The following ATF6 variants were observed in gnomAD, a reference collection of about 807,000 sequenced individuals.
The protein encoded by ATF6 is activating transcription factor 6, also known as cyclic AMP-dependent transcription factor ATF-6 alpha.
ATF6 carries 53 observed loss-of-function variants against 83.6 expected under a neutral mutation model. The ratio of observed to expected loss-of-function variants is 0.63; its 90% CI spans 0.51 to 0.80. ATF6 has a LOEUF of 0.80. ATF6 is among the 30% of genes least tolerant of loss of function. The pLI is 0.00. For synonymous variants in ATF6, 288 were observed against 285.8 expected (o/e 1.01, Z -0.08); for missense variants, 744 against 797.9 (o/e 0.93, Z 0.81).
At chr1:161,846,196 AC>A (rs1686482749) in intron 9 of ATF6, among the ~76,000 whole-genome samples, 1 of 152,202 alleles carries the variant, frequency 6.6e-6, no homozygotes, top group African/African-American at 2.4e-5. Context: ...AACATATAGA[AC>A]ACTACTATTG....
chr1:161,791,581 G>T, intron 5 of ATF6, 44 bp downstream of exon 5: 1 of 1,547,366 alleles, frequency 6.5e-7, no homozygotes, highest in South Asian at 1.2e-5. Flanking sequence ...ATTTCAGATT[G>T]AGCTTAGGTT....
In ATF6 at chr1:161,802,253, T is replaced by C. The variant is rs1005812433; in HGVS notation, c.890T>C (p.Met297Thr). ...ACTAAACCTGTCCTACAAAGTACCA[T>C]GAGAAATGTCGGTTCAGATGTAAGT... ...SVTKPVLQST[M>T]RNVGSDIAVL... Residue 297 changes from methionine (M) to threonine (T), a missense_variant, in exon 7 of 16, where the codon ATG becomes ACG. Met to Thr is a moderately conservative substitution (Grantham distance 81). Coordinates refer to ENST00000367942, the MANE Select transcript of ATF6 (RefSeq NM_007348.4). The C allele has an allele frequency of 8.1e-6, 13 of 1,610,942 alleles. No homozygotes were observed. The highest frequency in any genetic ancestry group is 1.1e-5 in the Non-Finnish European group (13 of 1,177,330).
intron 9 of ATF6, among the ~76,000 whole-genome samples, chr1:161,826,422 A>G (rs1316143727): frequency 6.6e-6 from 1 of 152,170 alleles, no homozygotes; most frequent in Non-Finnish European, 1.5e-5. Flanking sequence ...GGAAGAGATG[A>G]TGGTCCCTAT....
chr1:161,845,879 T>C (rs558532139), intron 9 of ATF6, among the ~76,000 whole-genome samples: 2 of 152,142 alleles, frequency 1.3e-5, no homozygotes, highest in East Asian at 3.9e-4. Context: ...TATACATTGA[T>C]GAGTGAAGAT....
At chr1:161,825,748 A>C (rs1044417717) in intron 9 of ATF6, among the ~76,000 whole-genome samples, 3 of 152,126 alleles carry the variant, frequency 2.0e-5, no homozygotes, top group African/African-American at 7.2e-5. Context: ...GTTTTTATGG[A>C]GCTTCATTAG....
intron 14 of ATF6, among the ~76,000 whole-genome samples, chr1:161,874,557 A>G (rs760323741): frequency 6.6e-6 from 1 of 151,554 alleles, no homozygotes; most frequent in Non-Finnish European, 1.5e-5. Flanking sequence ...TTTTACAACT[A>G]TTTCTTTTCT....
At chr1:161,772,370 A>G (rs575428447) in intron 1 of ATF6, among the ~76,000 whole-genome samples, 16 of 152,326 alleles carry the variant, frequency 1.1e-4, no homozygotes, top group Non-Finnish European at 1.9e-4. Context: ...TGCCAGACCA[A>G]TCATATTTCC....
intron 7 of ATF6, among the ~76,000 whole-genome samples, chr1:161,819,231 A>T (rs944471699): frequency 6.6e-6 from 1 of 152,202 alleles, no homozygotes; most frequent in Non-Finnish European, 1.5e-5. Flanking sequence ...TGAAGTGGTA[A>T]TAACTGTAAG....
At chr1:161,848,492 C>G (rs545662192) in intron 10 of ATF6, among the ~76,000 whole-genome samples, 19 of 152,126 alleles carry the variant, frequency 1.2e-4, no homozygotes, top group African/African-American at 4.6e-4. Flanking sequence ...ATTAGCCTAT[C>G]ATTTAGTAAT....
At chr1:161,810,311 T>G (rs1244245313) in intron 7 of ATF6, among the ~76,000 whole-genome samples, 2 of 152,172 alleles carry the variant, frequency 1.3e-5, no homozygotes, top group East Asian at 1.9e-4. Context: ...ACATCTTACA[T>G]GGCTAGAGCA....
chr1:161,933,674 T>A (rs925782456), intron 15 of ATF6, among the ~76,000 whole-genome samples: 3 of 152,250 alleles, frequency 2.0e-5, no homozygotes, highest in Non-Finnish European at 4.4e-5. Context: ...ATTGAATTAC[T>A]CTTCTAACTC....
At chr1:161,829,460 T>G (rs1233797635) in intron 9 of ATF6, among the ~76,000 whole-genome samples, 1 of 152,094 alleles carries the variant, frequency 6.6e-6, no homozygotes, top group Non-Finnish European at 1.5e-5. Context: ...TATACATTCT[T>G]CTCAGCACCA....
In ATF6 at chr1:161,832,426, C is replaced by T. The variant is rs186688247; in HGVS notation, c.1187+11265C>T. On this transcript the variant is annotated intron_variant, in intron 9 of 15. Transcript: ENST00000367942. Reference sequence around the variant, plus strand: ...AGTGGGTGCAGGACAGTGGGTGCAGCGCACCGTGCATGAGCTGAAGCAGGG... The same window carrying T: ...AGTGGGTGCAGGACAGTGGGTGCAGTGCACCGTGCATGAGCTGAAGCAGGG... Among the ~76,000 whole-genome samples, 356 of 152,220 alleles carry T rather than the reference C, an allele frequency of 2.3e-3. 1 individual carries two copies. Among genetic ancestry groups the T allele is most frequent in the African/African-American group, 7.9e-3 (327 of 41,544 alleles).
intron 6 of ATF6, among the ~76,000 whole-genome samples, chr1:161,798,783 C>T (rs1158532834): frequency 6.6e-6 from 1 of 152,058 alleles, no homozygotes; most frequent in Non-Finnish European, 1.5e-5. Flanking sequence ...AAGAAGTGGG[C>T]AAAGGATATG....
At chr1:161,841,160 T>C (rs1686348728) in intron 9 of ATF6, among the ~76,000 whole-genome samples, 1 of 152,224 alleles carries the variant, frequency 6.6e-6, no homozygotes, top group African/African-American at 2.4e-5. Flanking sequence ...TACTCTTTTA[T>C]ACATTTGACC....
At chr1:161,933,114 G>A (rs1315306799) in intron 15 of ATF6, among the ~76,000 whole-genome samples, 2 of 152,134 alleles carry the variant, frequency 1.3e-5, no homozygotes, top group Non-Finnish European at 2.9e-5. Context: ...TCTATAGAAG[G>A]GAAATACCAA....
intron 14 of ATF6, among the ~76,000 whole-genome samples, chr1:161,897,012 C>T (rs932411256): frequency 6.6e-6 from 1 of 152,166 alleles, no homozygotes; most frequent in African/African-American, 2.4e-5. Context: ...TTCAGAAATA[C>T]GCAAACCAGT....
At chr1:161,805,810 CA>C (rs35124741) in intron 7 of ATF6, among the ~76,000 whole-genome samples, 37,672 of 143,954 alleles carry the variant, frequency 0.26, 5,730 homozygotes, top group East Asian at 0.52. Flanking sequence ...TGTAATCCAC[CA>C]AAAAAAAAAA....
intron 7 of ATF6, among the ~76,000 whole-genome samples, chr1:161,806,972 C>G (rs1685298541): frequency 6.6e-6 from 1 of 152,090 alleles, no homozygotes; most frequent in African/African-American, 2.4e-5. Context: ...CAGTGTTCCT[C>G]TCTTGCAGTG....
Sources: gnomAD v4.1 joint callset for allele counts (sites outside exome capture counted in the v4.1 genomes callset) on GRCh38, gnomAD v4.1.1 for gene constraint, MANE v1.5 for transcripts, NCBI Gene and HGNC (gene_info 2026-07-23, HGNC 2026-07-21) for gene names.